RPS6KC1: variants seen among roughly 807,000 people sequenced by gnomAD.
RPS6KC1 encodes inactive ribosomal protein S6 kinase delta-1.
A neutral mutation model predicts 103.8 loss-of-function variants in RPS6KC1; 54 were observed. The observed-to-expected ratio is 0.52, with a 90% CI of 0.42 to 0.65. The LOEUF is 0.65. Ranked by LOEUF, RPS6KC1 falls within the 30% of genes least tolerant of loss-of-function variation. The pLI is 0.00. For synonymous variants in RPS6KC1, 439 were observed against 438.7 expected (o/e 1.00, Z -0.01); for missense variants, 1,151 against 1,253.8 (o/e 0.92, Z 1.24).
At chr1:213,134,799 G>A (rs1444434523) in intron 6 of RPS6KC1, among the ~76,000 whole-genome samples, 1 of 152,090 alleles carries the variant, frequency 6.6e-6, no homozygotes, top group African/African-American at 2.4e-5. Flanking sequence ...TGTGATTTTG[G>A]TATTTAGGGA....
the RPS6KC1 span, among the ~76,000 whole-genome samples, chr1:213,495,639 A>G: frequency 6.6e-6 from 1 of 152,154 alleles, no homozygotes; most frequent in Non-Finnish European, 1.5e-5. Flanking sequence ...CCCATTTTAC[A>G]GATGGGGAGC....
the RPS6KC1 span, among the ~76,000 whole-genome samples, chr1:213,615,851 C>A: frequency 6.6e-6 from 1 of 152,228 alleles, no homozygotes; most frequent in Admixed American, 6.5e-5. Context: ...ACTTGAGAGA[C>A]CAATTCCCTA....
intron 3 of RPS6KC1, among the ~76,000 whole-genome samples, chr1:213,081,584 A>G (rs777833148): frequency 1.5e-4 from 23 of 152,124 alleles, no homozygotes; most frequent in African/African-American, 5.3e-4. Flanking sequence ...TGTGTGACCA[A>G]TAACAAAAGT....
chr1:213,648,252 T>C, the RPS6KC1 span, among the ~76,000 whole-genome samples: 1 of 152,120 alleles, frequency 6.6e-6, no homozygotes, highest in Non-Finnish European at 1.5e-5. Context: ...TGCCCTTGAG[T>C]GCCTGGGTAC....
the RPS6KC1 span, among the ~76,000 whole-genome samples, chr1:213,337,760 A>G: frequency 6.6e-6 from 1 of 152,166 alleles, no homozygotes; most frequent in Non-Finnish European, 1.5e-5. Flanking sequence ...TACCAGGTAT[A>G]TATATTCAAG....
chr1:213,151,241 G>C (rs1293526379), intron 6 of RPS6KC1, among the ~76,000 whole-genome samples: 1 of 115,536 alleles, frequency 8.7e-6, no homozygotes, highest in African/African-American at 3.6e-5. Context: ...CCTCCCTCCC[G>C]GACGGGGCGG....
At chr1:213,158,467 A>G (rs1051939657) in intron 6 of RPS6KC1, among the ~76,000 whole-genome samples, 1 of 152,262 alleles carries the variant, frequency 6.6e-6, no homozygotes, top group Non-Finnish European at 1.5e-5. Flanking sequence ...TTAAGTTGTT[A>G]TAATACTTTC....
At chr1:213,628,793 C>T in the RPS6KC1 span, among the ~76,000 whole-genome samples, 1 of 152,096 alleles carries the variant, frequency 6.6e-6, no homozygotes, top group Non-Finnish European at 1.5e-5. Flanking sequence ...TGTTTGTTCT[C>T]GTTGGTTTCA....
the RPS6KC1 span, among the ~76,000 whole-genome samples, chr1:213,288,132 A>G: frequency 2.0e-5 from 3 of 151,984 alleles, no homozygotes; most frequent in Non-Finnish European, 4.4e-5. Context: ...ACCCATCACT[A>G]CTCCAGGGAG....
the RPS6KC1 span, among the ~76,000 whole-genome samples, chr1:213,664,236 A>G: frequency 1.3e-5 from 2 of 151,376 alleles, no homozygotes; most frequent in African/African-American, 4.8e-5. Context: ...AACACAAGGC[A>G]AGAGGGGGCA....
chr1:213,192,170 T>C (rs935714055), intron 8 of RPS6KC1, among the ~76,000 whole-genome samples: 7 of 152,228 alleles, frequency 4.6e-5, no homozygotes, highest in African/African-American at 1.7e-4. Context: ...TCTTTCATTC[T>C]GTTGGTATGA....
intron 3 of RPS6KC1, among the ~76,000 whole-genome samples, chr1:213,103,814 C>T (rs1357022464): frequency 6.6e-6 from 1 of 152,134 alleles, no homozygotes; most frequent in African/African-American, 2.4e-5. Context: ...AATGTCTTAT[C>T]AGCATTCAAA....
chr1:213,728,194 C>T, the RPS6KC1 span, among the ~76,000 whole-genome samples: 1 of 151,804 alleles, frequency 6.6e-6, no homozygotes, highest in African/African-American at 2.4e-5. Context: ...GATAAACCCG[C>T]GGTGAAGAAG....
chr1:213,664,007 G>A, the RPS6KC1 span, among the ~76,000 whole-genome samples: 2 of 152,208 alleles, frequency 1.3e-5, no homozygotes, highest in Non-Finnish European at 2.9e-5. Context: ...AATGAGCTGT[G>A]ATGTGGCAGC....
At chr1:213,631,713 G>A in the RPS6KC1 span, among the ~76,000 whole-genome samples, 1 of 152,056 alleles carries the variant, frequency 6.6e-6, no homozygotes, top group Non-Finnish European at 1.5e-5. Context: ...CTTGATAAGT[G>A]TGTTGATTTT....
chr1:213,452,591 G>C, the RPS6KC1 span, among the ~76,000 whole-genome samples: 6,680 of 152,160 alleles, frequency 0.044, 166 homozygotes, highest in African/African-American at 0.059. Flanking sequence ...GAAAGAACTT[G>C]GTACAGAATT....
chr1:213,303,055 A>T, the RPS6KC1 span, among the ~76,000 whole-genome samples: 1 of 152,150 alleles, frequency 6.6e-6, no homozygotes, highest in Non-Finnish European at 1.5e-5. Flanking sequence ...GTAGCACTCG[A>T]CTGTATGTAT....
At chr1:213,282,281 C>T in the RPS6KC1 span, among the ~76,000 whole-genome samples, 10 of 152,218 alleles carry the variant, frequency 6.6e-5, no homozygotes, top group Non-Finnish European at 1.5e-4. Context: ...CGGACTATAG[C>T]TTTGATGCTG....
At chr1:213,230,102 A>G (rs1254779537) in intron 8 of RPS6KC1, among the ~76,000 whole-genome samples, 1 of 152,214 alleles carries the variant, frequency 6.6e-6, no homozygotes, top group East Asian at 1.9e-4. Flanking sequence ...ATCACATTAT[A>G]GCAAGTTGCT....
Sources: allele counts gnomAD v4.1 joint callset (sites outside exome capture counted in the v4.1 genomes callset), GRCh38; gene constraint gnomAD v4.1.1; transcripts MANE v1.5; gene names NCBI Gene and HGNC (gene_info 2026-07-23, HGNC 2026-07-21).